CNTNAP2: variants seen among roughly 807,000 people sequenced by gnomAD.
CNTNAP2 encodes the protein contactin-associated protein-like 2.
Under a neutral mutation model 155.2 loss-of-function variants are expected in CNTNAP2, and 98 were observed. That is an observed-to-expected ratio of 0.63 (90% CI 0.54 to 0.75). The LOEUF is 0.75. CNTNAP2 is among the 30% of genes least tolerant of loss of function. The pLI, the probability that CNTNAP2 is intolerant of heterozygous loss-of-function variation, is 0.00. For missense variants in CNTNAP2, 1,727 were observed against 1,688.1 expected (o/e 1.02, Z -0.40); for synonymous variants, 651 against 631.2 (o/e 1.03, Z -0.47).
At chr7:147,984,352 G>T (rs764641167) in intron 15 of CNTNAP2, among the ~76,000 whole-genome samples, 1 of 152,142 alleles carries the variant, frequency 6.6e-6, no homozygotes, top group Non-Finnish European at 1.5e-5. Context: ...GCCTTATTTC[G>T]AGATGGAGTT....
intron 1 of CNTNAP2, among the ~76,000 whole-genome samples, chr7:146,612,203 T>C (rs1013323676): frequency 6.8e-6 from 1 of 147,166 alleles, no homozygotes; most frequent in Non-Finnish European, 1.5e-5. Flanking sequence ...ATAAAAATAG[T>C]TATTACTGTT....
Position 148,417,682 on chromosome 7 carries a change from G to GTGTT in CNTNAP2, c.*2068_*2071dup, listed in dbSNP as rs1302922979. 4 of 152,330 alleles carry GTGTT rather than the reference G, an allele frequency of 2.6e-5. No individual in the cohort carries two copies. The highest frequency in any genetic ancestry group is 9.6e-5 in the African/African-American group (4 of 41,566). The allele number at this position is 152,330 out of a possible 1,614,324, so 9.4% of individuals were successfully genotyped here. On this transcript the variant is annotated 3_prime_UTR_variant, in exon 24 of 24. Coordinates refer to ENST00000361727, the MANE Select transcript of CNTNAP2 (RefSeq NM_014141.6). ...AAATTTTAAACATGATGTTTTAGAAGTGTTTCTGATTTTTAAACCTGGTTT... is the reference window on the plus strand; with the variant it reads ...AAATTTTAAACATGATGTTTTAGAAGTGTTTGTTTCTGATTTTTAAACCTGGTTT...
intron 11 of CNTNAP2, among the ~76,000 whole-genome samples, chr7:147,489,478 C>T (rs1798568166): frequency 6.6e-6 from 1 of 152,212 alleles, no homozygotes; most frequent in Non-Finnish European, 1.5e-5. Flanking sequence ...GCATTCCACT[C>T]TCCATAAATC....
At position 146,245,755 on chromosome 7, in the gene CNTNAP2, G is replaced by A. The variant is rs1280800614; in HGVS notation, c.97+128782G>A. 4.6e-5 allele frequency among the ~76,000 whole-genome samples: 7 copies of A among 152,222 alleles called. No homozygotes were observed. The East Asian group carries it at 7.7e-4, about 17-fold the overall frequency. ...ATGGGGGCTGTCTGTGAAGCCTTGC[G>A]GCAGTACAGCCCAGGTAATTTGCTG... On this transcript the variant is annotated intron_variant, in intron 1 of 23. Transcript: ENST00000361727.
At chr7:146,657,311 C>A (rs1055122532) in intron 1 of CNTNAP2, among the ~76,000 whole-genome samples, 1 of 152,152 alleles carries the variant, frequency 6.6e-6, no homozygotes, top group Non-Finnish European at 1.5e-5. Context: ...TTAATGTGGT[C>A]TCGCATTGAT....
chr7:147,464,389 C>CT lies in CNTNAP2; in HGVS notation c.1671-21546_1671-21545insT, dbSNP rs538509640. 3.4e-3 allele frequency among the ~76,000 whole-genome samples: 508 copies of CT among 151,272 alleles called. 5 individuals are homozygous for CT. Among genetic ancestry groups the CT allele is most frequent in the African/African-American group, 0.012 (477 of 41,168 alleles). ...GGCTGAGGCAGGAGAATTGCTTGAA[C>CT]CCGGGAGGTGGAGGTTACAGTGGGC... is the stretch of plus-strand genomic sequence containing the variant. On this transcript the variant is annotated intron_variant, in intron 10 of 23. Coordinates refer to ENST00000361727, the MANE Select transcript of CNTNAP2 (RefSeq NM_014141.6).
intron 3 of CNTNAP2, among the ~76,000 whole-genome samples, chr7:146,966,441 C>A (rs1797658544): frequency 6.6e-6 from 1 of 152,226 alleles, no homozygotes; most frequent in Non-Finnish European, 1.5e-5. Context: ...TGCCCAGAAC[C>A]AGCTGCCGCC....
chr7:147,506,107 T>G (rs545899752), intron 11 of CNTNAP2, among the ~76,000 whole-genome samples: 1 of 152,240 alleles, frequency 6.6e-6, no homozygotes, highest in East Asian at 1.9e-4. Context: ...GTGATAGAGA[T>G]AGTCAAAATG....
intron 14 of CNTNAP2, among the ~76,000 whole-genome samples, chr7:147,920,935 A>G (rs180709766): frequency 0.013 from 1,915 of 148,290 alleles, 37 homozygotes; most frequent in African/African-American, 0.045. Context: ...TCAGCCTCCC[A>G]AGTAGCTGGG....
chr7:147,185,552 A>C (rs1005144725), intron 8 of CNTNAP2, among the ~76,000 whole-genome samples: 5 of 152,218 alleles, frequency 3.3e-5, no homozygotes, highest in African/African-American at 9.6e-5. Flanking sequence ...AATATGACCC[A>C]GTGTTAAGAC....
intron 14 of CNTNAP2, among the ~76,000 whole-genome samples, chr7:147,963,449 A>G (rs1352843641): frequency 1.3e-5 from 2 of 152,164 alleles, no homozygotes; most frequent in African/African-American, 4.8e-5. Context: ...TAACAACTTT[A>G]CAAGGCTTGA....
intron 1 of CNTNAP2, among the ~76,000 whole-genome samples, chr7:146,583,259 T>C (rs1225580864): frequency 1.3e-5 from 2 of 151,986 alleles, no homozygotes; most frequent in Admixed American, 6.6e-5. Flanking sequence ...GGGAGGAGTG[T>C]AGGGTCCTGG....
chr7:146,826,812 A>C (rs1803409154), intron 2 of CNTNAP2, among the ~76,000 whole-genome samples: 2 of 150,494 alleles, frequency 1.3e-5, no homozygotes, highest in South Asian at 2.1e-4. Flanking sequence ...CAATCAAATA[A>C]TTTTTAAGAA....
chr7:147,678,503 T>G (rs145369290), intron 13 of CNTNAP2, among the ~76,000 whole-genome samples: 90 of 152,044 alleles, frequency 5.9e-4, no homozygotes, highest in Non-Finnish European at 1.1e-3. Flanking sequence ...GTTAATACTG[T>G]CTTAACTGAC....
intron 5 of CNTNAP2, among the ~76,000 whole-genome samples, chr7:147,118,972 AT>A (rs1414226057): frequency 1.3e-5 from 2 of 152,174 alleles, no homozygotes; most frequent in Non-Finnish European, 2.9e-5. Flanking sequence ...ACGTGTATTC[AT>A]TGTGCTACCA....
At position 146,549,713 on chromosome 7, in the gene CNTNAP2, A is replaced by G. The variant is rs547744505; in HGVS notation, c.98-224558A>G. On this transcript the variant is annotated intron_variant, in intron 1 of 23. Coordinates refer to ENST00000361727, the MANE Select transcript of CNTNAP2 (RefSeq NM_014141.6). ...ATTCAAACAAATGTTATTAATATCAATTTATCCTGTTAATCTAGGGACACA... is the reference window on the plus strand; with the variant it reads ...ATTCAAACAAATGTTATTAATATCAGTTTATCCTGTTAATCTAGGGACACA... Among the ~76,000 whole-genome samples, 4 of 152,212 alleles carry G rather than the reference A, an allele frequency of 2.6e-5. No homozygotes were observed. In the East Asian group the frequency reaches 7.7e-4, roughly 29 times the overall value.
intron 16 of CNTNAP2, among the ~76,000 whole-genome samples, chr7:148,127,323 T>C (rs1804737041): frequency 6.6e-6 from 1 of 152,042 alleles, no homozygotes; most frequent in Non-Finnish European, 1.5e-5. Flanking sequence ...TAGAGGACAT[T>C]TGTGAAGGGG....
intron 1 of CNTNAP2, among the ~76,000 whole-genome samples, chr7:146,700,444 T>C: frequency 6.6e-6 from 1 of 152,012 alleles, no homozygotes; most frequent in East Asian, 1.9e-4. Flanking sequence ...TTTTTTAAAT[T>C]AAAAAAATAA....
At chr7:146,331,756 C>A (rs1402864913) in intron 1 of CNTNAP2, among the ~76,000 whole-genome samples, 1 of 152,142 alleles carries the variant, frequency 6.6e-6, no homozygotes, top group Non-Finnish European at 1.5e-5. Context: ...AAATTGGACT[C>A]TACTTGTCAA....
Sources: gnomAD v4.1 joint callset for allele counts (sites outside exome capture counted in the v4.1 genomes callset) on GRCh38, gnomAD v4.1.1 for gene constraint, MANE v1.5 for transcripts, NCBI Gene and HGNC (gene_info 2026-07-23, HGNC 2026-07-21) for gene names.